Variants in PLEKHM3 observed in about 807,000 individuals in gnomAD.
PLEKHM3 encodes the protein pleckstrin homology domain containing M3.
PLEKHM3 carries 45 observed loss-of-function variants against 81.8 expected under a neutral mutation model. The observed-to-expected ratio is 0.55, with a 90% confidence interval of 0.43 to 0.71. The LOEUF (loss-of-function observed/expected upper bound fraction) is 0.71. Ranked by LOEUF, PLEKHM3 falls within the 30% of genes least tolerant of loss-of-function variation. The pLI is 0.00. For synonymous variants in PLEKHM3, 352 were observed against 356.4 expected (o/e 0.99, Z 0.14); for missense variants, 788 against 924.3 (o/e 0.85, Z 1.91).
intron 6 of PLEKHM3, among the ~76,000 whole-genome samples, chr2:207,863,487 C>T (rs553261601): frequency 2.6e-5 from 4 of 152,358 alleles, no homozygotes; most frequent in South Asian, 2.1e-4. Flanking sequence ...GATTTATTCA[C>T]GTCCTGCCCA....
intron 7 of PLEKHM3, among the ~76,000 whole-genome samples, chr2:207,857,339 TCTGATA>T (rs912339436): frequency 7.2e-5 from 11 of 152,244 alleles, no homozygotes; most frequent in Admixed American, 5.9e-4. Flanking sequence ...CTCTTTGTTA[TCTGATA>T]CAGTGGAGTT....
intron 6 of PLEKHM3, among the ~76,000 whole-genome samples, chr2:207,875,202 AAATT>A (rs1324592433): frequency 6.6e-6 from 1 of 152,172 alleles, no homozygotes; most frequent in East Asian, 1.9e-4. Context: ...AAGCTCTCTT[AAATT>A]AATAAGGAAA....
chr2:207,829,066 A>G (rs1430705201), intron 7 of PLEKHM3, among the ~76,000 whole-genome samples: 5 of 152,192 alleles, frequency 3.3e-5, no homozygotes, highest in African/African-American at 1.2e-4. Flanking sequence ...AAAATTAGGA[A>G]AAAACTCCTA....
At chr2:207,831,551 C>A (rs188267891) in intron 7 of PLEKHM3, among the ~76,000 whole-genome samples, 1 of 152,240 alleles carries the variant, frequency 6.6e-6, no homozygotes, top group Non-Finnish European at 1.5e-5. Context: ...ATGCTGCTCA[C>A]GGTGAACCCC....
chr2:207,972,194 C>A (rs1691146003), intron 3 of PLEKHM3, among the ~76,000 whole-genome samples: 1 of 152,168 alleles, frequency 6.6e-6, no homozygotes. Context: ...ATGAATGAAA[C>A]AACTAAGTTT....
At chr2:207,977,735 A>C in intron 2 of PLEKHM3, 149 bp from the exon 3 acceptor site, 1 of 697,014 alleles carries the variant, frequency 1.4e-6, no homozygotes, top group East Asian at 2.8e-5. Flanking sequence ...AAGTAGTAGA[A>C]TCCCACGATG....
In PLEKHM3 at chr2:207,927,590, G is replaced by A. The variant is rs183028968; in HGVS notation, c.1886+3336C>T. On this transcript the variant is annotated intron_variant, in intron 5 of 7. Coordinates refer to ENST00000427836, the MANE Select transcript of PLEKHM3 (RefSeq NM_001080475.3). The stretch of plus-strand genomic sequence containing the variant: ...CACACCTATAATCCCAGCACTTTGG[G>A]AGGCTGAGGCAGGCGGATCACCTGA... 6.0e-5 allele frequency among the ~76,000 whole-genome samples: 9 copies of A among 150,898 alleles called. No homozygotes were observed. The East Asian group carries it at 1.8e-3, about 30-fold the overall frequency.
intron 2 of PLEKHM3, among the ~76,000 whole-genome samples, chr2:207,979,398 G>C (rs980459941): frequency 6.6e-6 from 1 of 152,142 alleles, no homozygotes; most frequent in Non-Finnish European, 1.5e-5. Context: ...GCTGGGTGTG[G>C]TGGCATGCGC....
intron 2 of PLEKHM3, among the ~76,000 whole-genome samples, chr2:207,985,780 A>T (rs1691695159): frequency 6.6e-6 from 1 of 151,964 alleles, no homozygotes; most frequent in Admixed American, 6.6e-5. Context: ...AGGTCAGGAG[A>T]TCGAGACCAT....
chr2:207,865,801 A>AAAAAAAAAATATAT lies in PLEKHM3; in HGVS notation c.1951-4540_1951-4539insATATATTTTTTTTT. Among the ~76,000 whole-genome samples, 14 of 25,288 alleles carry AAAAAAAAAATATAT rather than the reference A, an allele frequency of 5.5e-4. 1 individual carries two copies. The highest frequency in any genetic ancestry group is 1.3e-3 in the African/African-American group (6 of 4,794). 16.6% of individuals were successfully genotyped at this position (25,288 alleles called of 152,430 possible). ...CGACTCAAAAAAAAAAAAAAAAAAAAAGATATATATATATATATATATATA... is the reference window on the plus strand; with the variant it reads ...CGACTCAAAAAAAAAAAAAAAAAAAAAAAAAAAAATATATAGATATATATATATATATATATATA... On this transcript the variant is annotated intron_variant, in intron 6 of 7. Transcript: ENST00000427836.
At chr2:207,834,975 T>C (rs2092310405) in intron 7 of PLEKHM3, among the ~76,000 whole-genome samples, 1 of 151,788 alleles carries the variant, frequency 6.6e-6, no homozygotes, top group South Asian at 2.1e-4. Context: ...AGTTTCACTC[T>C]TGTTGCCCAG....
intron 6 of PLEKHM3, among the ~76,000 whole-genome samples, chr2:207,887,625 T>C (rs1263434254): frequency 2.0e-5 from 3 of 152,186 alleles, no homozygotes; most frequent in Non-Finnish European, 4.4e-5. Context: ...CAGTAAACAA[T>C]CAAATAAATA....
At chr2:207,920,808 T>C (rs1204109417) in intron 5 of PLEKHM3, among the ~76,000 whole-genome samples, 2 of 152,160 alleles carry the variant, frequency 1.3e-5, no homozygotes, top group Non-Finnish European at 2.9e-5. Context: ...GTCTGGGACA[T>C]AGGAGGGTCT....
intron 6 of PLEKHM3, chr2:207,869,004 G>C (rs2092518096): frequency 6.6e-6 from 1 of 152,198 alleles, no homozygotes; most frequent in South Asian, 2.1e-4. Context: ...CAAAATGCTA[G>C]GGGGAAGACA....
rs564367969 is a variant in PLEKHM3 at position 208,002,125 on chromosome 2, C to A, written c.-318-168G>T. ...ATTGTCAGGAATACATATCACTACC[C>A]GCTTTGGATAAAAACTTACACGGAG... is the stretch of plus-strand genomic sequence containing the variant. On this transcript the variant is annotated intron_variant, in intron 1 of 7. Transcript: ENST00000427836. 2.0e-5 allele frequency among the ~76,000 whole-genome samples: 3 copies of A among 152,304 alleles called. No homozygotes were observed. The South Asian group carries it at 6.2e-4, about 32-fold the overall frequency.
At chr2:207,959,538 T>G (rs1690660050) in intron 3 of PLEKHM3, among the ~76,000 whole-genome samples, 1 of 152,196 alleles carries the variant, frequency 6.6e-6, no homozygotes, top group African/African-American at 2.4e-5. Context: ...ACATACAGTG[T>G]CCTACCAGGG....
intron 4 of PLEKHM3, among the ~76,000 whole-genome samples, chr2:207,933,575 A>G (rs2105945298): frequency 6.6e-6 from 1 of 152,290 alleles, no homozygotes; most frequent in East Asian, 1.9e-4. Flanking sequence ...GCTACCTTTT[A>G]GTAGGTGAAC....
At chr2:208,000,594 G>C (rs937125110) in intron 2 of PLEKHM3, among the ~76,000 whole-genome samples, 1 of 152,170 alleles carries the variant, frequency 6.6e-6, no homozygotes, top group African/African-American at 2.4e-5. Context: ...GTTCTTTAGG[G>C]CAGGGATTGT....
intron 3 of PLEKHM3, among the ~76,000 whole-genome samples, chr2:207,954,898 A>C (rs1690453665): frequency 6.6e-6 from 1 of 152,252 alleles, no homozygotes; most frequent in Admixed American, 6.5e-5. Flanking sequence ...CGTGTGAAAT[A>C]AATTAATAAA....
Sources: gnomAD v4.1 joint callset for allele counts (sites outside exome capture counted in the v4.1 genomes callset) on GRCh38, gnomAD v4.1.1 for gene constraint, MANE v1.5 for transcripts, NCBI Gene and HGNC (gene_info 2026-07-23, HGNC 2026-07-21) for gene names.